Variants in AFAP1 observed in about 807,000 individuals in gnomAD.
The protein encoded by AFAP1 is actin filament associated protein 1.
Under a neutral mutation model 93.9 loss-of-function variants are expected in AFAP1, and 75 were observed. That is an observed-to-expected ratio of 0.80 (90% CI 0.66 to 0.97). The LOEUF is 0.97. Ranked by LOEUF, AFAP1 falls within the 50% of genes least tolerant of loss-of-function variation. The pLI, the probability that AFAP1 is intolerant of heterozygous loss-of-function variation, is 0.00. For synonymous variants in AFAP1, 517 were observed against 430.7 expected (o/e 1.20, Z -2.48); for missense variants, 1,201 against 1,050.8 (o/e 1.14, Z -1.98).
chr4:7,775,056 G>A (rs1038746423), intron 14 of AFAP1, 153 bp from the exon 15 acceptor site: 29 of 905,356 alleles, frequency 3.2e-5, no homozygotes, highest in Non-Finnish European at 4.2e-5. Flanking sequence ...TGGGAGAATC[G>A]CTTGAGCTTG....
chr4:7,849,742 T>C (rs961263599), intron 4 of AFAP1, among the ~76,000 whole-genome samples: 4 of 152,326 alleles, frequency 2.6e-5, no homozygotes, highest in African/African-American at 7.2e-5. Context: ...GGCAAGGCAT[T>C]TGGAGTGCAG....
At chr4:7,887,369 C>G (rs7663205) in intron 1 of AFAP1, among the ~76,000 whole-genome samples, 1 of 152,078 alleles carries the variant, frequency 6.6e-6, no homozygotes, top group Admixed American at 6.5e-5. Context: ...ACAAGCAGTA[C>G]GCAAATAAAT....
intron 3 of AFAP1, chr4:7,861,883 C>G (rs941659546): frequency 2.0e-5 from 3 of 152,204 alleles, no homozygotes; most frequent in African/African-American, 7.2e-5. Flanking sequence ...GGCTTTAGCC[C>G]CAGCTCTACA....
intron 9 of AFAP1, among the ~76,000 whole-genome samples, chr4:7,807,586 C>T (rs534753908): frequency 2.1e-4 from 32 of 152,226 alleles, no homozygotes; most frequent in Non-Finnish European, 3.7e-4. Flanking sequence ...GAGCTTGGAA[C>T]GCACCAGGCT....
At chr4:7,813,245 A>T (rs1488368011) in intron 8 of AFAP1, among the ~76,000 whole-genome samples, 5 of 152,220 alleles carry the variant, frequency 3.3e-5, no homozygotes, top group South Asian at 4.1e-4. Flanking sequence ...TCAGGTGCAA[A>T]CTGGTCAAGA....
chr4:7,790,801 C>T (rs971800462), intron 11 of AFAP1, among the ~76,000 whole-genome samples: 6 of 152,158 alleles, frequency 3.9e-5, no homozygotes, highest in Non-Finnish European at 7.3e-5. Context: ...TACTAGACTA[C>T]ATCTATCCTG....
chr4:7,910,327 T>C lies in AFAP1; in HGVS notation c.-3+29329A>G, dbSNP rs112855620. 8.8e-3 allele frequency among the ~76,000 whole-genome samples: 1,333 copies of C among 152,118 alleles called. 20 individuals carry two copies. The highest frequency in any genetic ancestry group is 0.029 in the African/African-American group (1,204 of 41,504). ...GTCCTAGCCCTGCTACCAACCGGCC[T>C]GGTCACTTCTCTCTGGTCTTGGTGT... On this transcript the variant is annotated intron_variant, in intron 1 of 17. Transcript: ENST00000420658.
chr4:7,782,162 C>T (rs1404039179), intron 12 of AFAP1, among the ~76,000 whole-genome samples: 1 of 152,214 alleles, frequency 6.6e-6, no homozygotes, highest in Non-Finnish European at 1.5e-5. Flanking sequence ...CTTCGTCTCA[C>T]AGTCATCCGG....
At chr4:7,783,075 G>C (rs1294022824) in intron 12 of AFAP1, among the ~76,000 whole-genome samples, 2 of 152,158 alleles carry the variant, frequency 1.3e-5, no homozygotes, top group Non-Finnish European at 2.9e-5. Context: ...AAGCATCAGG[G>C]GGAACGTTGG....
chr4:7,769,582 G>C (rs1715124209), intron 16 of AFAP1, among the ~76,000 whole-genome samples: 6 of 152,078 alleles, frequency 3.9e-5, no homozygotes, highest in Admixed American at 3.9e-4. Context: ...AGAACAACAT[G>C]TGTCCTGAGC....
At chr4:7,866,072 T>G (rs556995909) in intron 3 of AFAP1, among the ~76,000 whole-genome samples, 1 of 152,174 alleles carries the variant, frequency 6.6e-6, no homozygotes, top group African/African-American at 2.4e-5. Context: ...AATTTTTTAT[T>G]TTTAGTAGAG....
chr4:7,809,779 A>G lies in AFAP1; in HGVS notation c.905-16T>C. On this transcript the variant is annotated splice_polypyrimidine_tract_variant and intron_variant, in intron 8 of 17. Coordinates refer to ENST00000420658, the MANE Select transcript of AFAP1 (RefSeq NM_001134647.2). ...TTCCTCTTCACTGTCAAGAGTAACA[A>G]CAGCAAAAAAGCATGTTTTAATTGT... 1 of 1,600,372 alleles carries G rather than the reference A, an allele frequency of 6.2e-7. No homozygotes were observed. Among genetic ancestry groups the G allele is most frequent in the South Asian group, 1.1e-5 (1 of 87,352 alleles).
chr4:7,840,855 G>A (rs1477435680), intron 5 of AFAP1, among the ~76,000 whole-genome samples: 1 of 152,202 alleles, frequency 6.6e-6, no homozygotes, highest in Non-Finnish European at 1.5e-5. Flanking sequence ...ATTTTAAATT[G>A]TGTAAACCTT....
chr4:7,870,757 C>T (rs976607876), intron 2 of AFAP1, among the ~76,000 whole-genome samples: 8 of 152,150 alleles, frequency 5.3e-5, no homozygotes, highest in Non-Finnish European at 7.4e-5. Flanking sequence ...CAGGTTTCCC[C>T]AAGCCACCCA....
At chr4:7,772,395 G>A (rs62289268) in intron 16 of AFAP1, 1 of 157,070 alleles carries the variant, frequency 6.4e-6, no homozygotes, top group Non-Finnish European at 1.4e-5. Context: ...ACTTTGTTCT[G>A]TTTGATTCTA....
chr4:7,903,158 T>G (rs919374279), intron 1 of AFAP1, among the ~76,000 whole-genome samples: 1 of 152,138 alleles, frequency 6.6e-6, no homozygotes, highest in African/African-American at 2.4e-5. Flanking sequence ...GAAAGAAGAA[T>G]AAGGTTCTTT....
intron 1 of AFAP1, among the ~76,000 whole-genome samples, chr4:7,874,356 C>CTTTTTTT (rs869214535): frequency 0.012 from 1,116 of 92,160 alleles, 7 homozygotes; most frequent in East Asian, 0.025. Flanking sequence ...TTGCCTTTTT[C>CTTTTTTT]TTTTTTTTTT....
intron 1 of AFAP1, among the ~76,000 whole-genome samples, chr4:7,912,579 T>C (rs1016436410): frequency 1.1e-4 from 16 of 152,234 alleles, no homozygotes; most frequent in African/African-American, 3.9e-4. Context: ...GCTTATATGT[T>C]ATCTGAAATG....
intron 6 of AFAP1, among the ~76,000 whole-genome samples, chr4:7,830,008 T>C (rs75549089): frequency 2.0e-5 from 3 of 152,138 alleles, no homozygotes; most frequent in African/African-American, 4.8e-5. Context: ...TGAAGTATGG[T>C]CTATTCATAC....
Sources: allele counts gnomAD v4.1 joint callset (sites outside exome capture counted in the v4.1 genomes callset), GRCh38; gene constraint gnomAD v4.1.1; transcripts MANE v1.5; gene names NCBI Gene and HGNC (gene_info 2026-07-23, HGNC 2026-07-21).